NFKBIL1: variants seen among roughly 807,000 people sequenced by gnomAD.
NFKBIL1 encodes the protein NFKB inhibitor like 1, also known as NF-kappa-B inhibitor-like protein 1.
In NFKBIL1, 30 loss-of-function variants were observed where a neutral mutation model predicts 45.4. The ratio of observed to expected loss-of-function variants is 0.66; its 90% CI spans 0.49 to 0.90. The LOEUF (loss-of-function observed/expected upper bound fraction) is 0.90. Ranked by LOEUF, NFKBIL1 falls within the 40% of genes least tolerant of loss-of-function variation. The pLI is 0.00. For synonymous variants in NFKBIL1, 179 were observed against 197.3 expected (o/e 0.91, Z 0.78); for missense variants, 434 against 513.4 (o/e 0.85, Z 1.49).
intron 2 of NFKBIL1, chr6:31,556,717 A>G (rs1267314601): frequency 8.8e-6 from 4 of 457,022 alleles, no homozygotes; most frequent in Non-Finnish European, 1.8e-5. Context: ...ATTTGGAAAG[A>G]GCTTGCTCTG....
At chr6:31,547,842 G>C in intron 1 of NFKBIL1, 91 bp downstream of exon 1, 1 of 1,125,390 alleles carries the variant, frequency 8.9e-7, no homozygotes, top group South Asian at 1.4e-5. Flanking sequence ...TTCCCCATCC[G>C]GCCCTGTTGG....
At chr6:31,552,038 C>T (rs1769456363) in intron 2 of NFKBIL1, among the ~76,000 whole-genome samples, 1 of 152,078 alleles carries the variant, frequency 6.6e-6, no homozygotes. Context: ...CTTAGATGAT[C>T]CACCTGCCTC....
rs566329535 is a variant in NFKBIL1 at position 31,548,325 on chromosome 6, G to A, written c.220G>A (p.Ala74Thr). The A allele has an allele frequency of 3.1e-6, 5 of 1,600,544 alleles. No individual in the cohort carries two copies. In the Admixed American group the frequency reaches 8.4e-5, roughly 27 times the overall value. Residue 74 changes from alanine to threonine, a missense_variant, in exon 2 of 4, where the codon GCC (alanine) becomes ACC (threonine). By Grantham distance (58) the Ala-to-Thr change is moderately conservative. Transcript: ENST00000376148. Reference sequence around the variant, plus strand: ...GCCCCCACCACTGCACCGGGCCTGTGCCCGCCACGATGCCCCTGCCCTGTG... The same window carrying A: ...GCCCCCACCACTGCACCGGGCCTGTACCCGCCACGATGCCCCTGCCCTGTG... ...GQPPPLHRAC[A>T]RHDAPALCLL... is the part of the protein sequence containing the mutation.
rs1326967951 is a variant in NFKBIL1 at position 31,558,220 on chromosome 6, C to CT, written c.755_756insT (p.Lys253GlnfsTer7). The CT allele has an allele frequency of 6.3e-7, 1 of 1,597,446 alleles. No homozygotes were observed. Among genetic ancestry groups the CT allele is most frequent in the Non-Finnish European group, 8.5e-7 (1 of 1,172,928 alleles). ...CGGCTCTTCAGGGAGCGAGCCCGGG[C>CT]CAAGGAGGAAGAGCTGCGTGAGAGC... On this transcript the variant is annotated frameshift_variant, in exon 4 of 4. Transcript: ENST00000376148. LOFTEE classifies it high-confidence loss of function. The surrounding 1 kb of genome is among the most constrained non-coding windows in gnomAD (Gnocchi z 7.2).
chr6:31,558,271 T>G lies in NFKBIL1; in HGVS notation c.806T>G (p.Leu269Arg). Residue 269 changes from leucine (L) to arginine (R), a missense_variant, in exon 4 of 4, where the codon CTA (leucine) becomes CGA (arginine). By Grantham distance (102) the Leu-to-Arg change is moderately radical (BLOSUM62 -2). Around this residue, in one of 4 missense-constraint regions of NFKBIL1, gnomAD observed 128 missense variants for 106.5 expected, o/e 1.20. Coordinates refer to ENST00000376148, the MANE Select transcript of NFKBIL1 (RefSeq NM_005007.4). This position sits in a 1 kb window ranked among gnomAD's most constrained non-coding sequence, Gnocchi z 7.2. ...ESRARRAQEALGDREPKPTRA... is the reference protein window; with the variant it reads ...ESRARRAQEARGDREPKPTRA... ...CGAGCCAGGAGGGCGCAGGAGGCTC[T>G]AGGGGACCGAGAACCCAAGCCAACC... 1 of 1,588,556 alleles carries G rather than the reference T, an allele frequency of 6.3e-7. No homozygotes were observed. Among genetic ancestry groups the G allele is most frequent in the East Asian group, 2.3e-5 (1 of 44,206 alleles).
At chr6:31,548,016 G>T (rs1769182760) in intron 1 of NFKBIL1, 147 bp from the exon 2 acceptor site, 3 of 1,108,316 alleles carry the variant, frequency 2.7e-6, no homozygotes, top group Non-Finnish European at 3.8e-6. Flanking sequence ...TCTGATAAAG[G>T]ATCAGGGTTA....
chr6:31,553,431 A>G (rs1769548709), intron 2 of NFKBIL1, among the ~76,000 whole-genome samples: 1 of 152,176 alleles, frequency 6.6e-6, no homozygotes, highest in South Asian at 2.1e-4. Flanking sequence ...AGTAAATTCC[A>G]GCAGATTAAA....
At chr6:31,554,263 G>T (rs946871846) in intron 2 of NFKBIL1, among the ~76,000 whole-genome samples, 1 of 152,024 alleles carries the variant, frequency 6.6e-6, no homozygotes, top group Non-Finnish European at 1.5e-5. Context: ...AATTAGCCAG[G>T]CGTGGTGGTA....
chr6:31,547,478 C>T (rs138045493), upstream of NFKBIL1: 1 of 415,414 alleles, frequency 2.4e-6, no homozygotes, highest in African/African-American at 2.1e-5. Context: ...CCCTAGTTTC[C>T]CCTGGGAGAT....
chr6:31,557,584 T>G lies in NFKBIL1; in HGVS notation c.335-44T>G. 2.1e-6 allele frequency: 3 copies of G among 1,420,788 alleles called. No homozygotes were observed. The highest frequency in any genetic ancestry group is 2.5e-5 in the East Asian group (1 of 40,628). 88.0% of individuals were successfully genotyped at this position (1,420,788 alleles called of 1,614,324 possible). On this transcript the variant is annotated intron_variant, in intron 2 of 3. Transcript: ENST00000376148. The surrounding 1 kb of genome is among the most constrained non-coding windows in gnomAD (Gnocchi z 5.4). ...TCAAGATGGCAGCTCTGCCGAGGAG[T>G]GGGAGTCCCAGCTAACTTCTGCTCC...
intron 2 of NFKBIL1, among the ~76,000 whole-genome samples, chr6:31,554,349 G>C (rs1239647029): frequency 2.6e-5 from 4 of 152,148 alleles, no homozygotes; most frequent in Admixed American, 1.3e-4. Flanking sequence ...GTGGGGCAGA[G>C]TTTGCAGTGA....
In NFKBIL1 at chr6:31,557,904, T is replaced by G. The variant is rs2150368729; in HGVS notation, c.556+55T>G. 9 of 1,522,994 alleles carry G rather than the reference T, an allele frequency of 5.9e-6. No individual in the cohort carries two copies. The South Asian group carries it at 8.8e-5, about 15-fold the overall frequency. The allele number at this position is 1,522,994 out of a possible 1,614,324, so 94.3% of individuals were successfully genotyped here. A position where few individuals can be genotyped will look rare whatever the true frequency, so the allele number is the denominator to read the frequency against. On this transcript the variant is annotated intron_variant, in intron 3 of 3. Coordinates refer to ENST00000376148, the MANE Select transcript of NFKBIL1 (RefSeq NM_005007.4). The surrounding 1 kb of genome is among the most constrained non-coding windows in gnomAD (Gnocchi z 5.4). ...CCTTCCCCACTGGCTGCTTTCCATC[T>G]GCATGAATGCGTCACACTAGGCTCC...
In NFKBIL1 at chr6:31,558,246, C is replaced by G; in HGVS notation, c.781C>G (p.Arg261Gly). 1 of 1,592,944 alleles carries G rather than the reference C, an allele frequency of 6.3e-7. No individual in the cohort carries two copies. The highest frequency in any genetic ancestry group is 1.3e-5 in the African/African-American group (1 of 74,862). Residue 261 changes from arginine to glycine, a missense_variant, in exon 4 of 4, where the codon CGA (arginine) becomes GGA (glycine). Around this residue, in one of 4 missense-constraint regions of NFKBIL1, gnomAD observed 128 missense variants for 106.5 expected, o/e 1.20. Transcript: ENST00000376148. This position sits in a 1 kb window ranked among gnomAD's most constrained non-coding sequence, Gnocchi z 7.2. ...RAKEEELRESRARRAQEALGD... is the reference protein window; with the variant it reads ...RAKEEELRESGARRAQEALGD... ...CAAGGAGGAAGAGCTGCGTGAGAGCCGAGCCAGGAGGGCGCAGGAGGCTCT... is the reference window on the plus strand; with the variant it reads ...CAAGGAGGAAGAGCTGCGTGAGAGCGGAGCCAGGAGGGCGCAGGAGGCTCT...
chr6:31,550,077 T>C (rs1165650742), intron 2 of NFKBIL1, among the ~76,000 whole-genome samples: 3 of 152,032 alleles, frequency 2.0e-5, no homozygotes, highest in Non-Finnish European at 4.4e-5. Context: ...GGCACACACC[T>C]GTAGTCTCAG....
At chr6:31,554,274 C>T (rs2255899) in intron 2 of NFKBIL1, among the ~76,000 whole-genome samples, 22,404 of 151,964 alleles carry the variant, frequency 0.15, 1,735 homozygotes, top group South Asian at 0.25. Context: ...CGTGGTGGTA[C>T]GTGGCTGTCG....
chr6:31,547,324 T>A (rs1169241451), upstream of NFKBIL1, among the ~76,000 whole-genome samples: 1 of 151,304 alleles, frequency 6.6e-6, no homozygotes, highest in African/African-American at 2.4e-5. Context: ...CGTCCATCAC[T>A]GAACCATCTC....
At chr6:31,553,825 G>C (rs1406832556) in intron 2 of NFKBIL1, among the ~76,000 whole-genome samples, 1 of 152,060 alleles carries the variant, frequency 6.6e-6, no homozygotes, top group South Asian at 2.1e-4. Context: ...ACCACGTCAG[G>C]CTAATTTTTG....
chr6:31,558,008 ACCCT>A lies in NFKBIL1; in HGVS notation c.557-10_557-7del. The A allele has an allele frequency of 1.4e-6, 1 of 705,102 alleles. No individual in the cohort carries two copies. The highest frequency in any genetic ancestry group is 2.2e-6 in the Non-Finnish European group (1 of 462,002). The allele number at this position is 705,102 out of a possible 1,614,324, so 43.7% of individuals were successfully genotyped here. ...GCCTCTCTCCAACTACCCCCATCCC[ACCCT>A]CCCAAACAGGTGATGCCTCCCATGA... On this transcript the variant is annotated splice_polypyrimidine_tract_variant and intron_variant, in intron 3 of 3. Coordinates refer to ENST00000376148, the MANE Select transcript of NFKBIL1 (RefSeq NM_005007.4). This position sits in a 1 kb window ranked among gnomAD's most constrained non-coding sequence, Gnocchi z 7.2.
At position 31,557,958 on chromosome 6, in the gene NFKBIL1, T is replaced by A; in HGVS notation, c.557-64T>A. 1 of 1,502,034 alleles carries A rather than the reference T, an allele frequency of 6.7e-7. No homozygotes were observed. 93.0% of individuals were successfully genotyped at this position (1,502,034 alleles called of 1,614,324 possible). A position where few individuals can be genotyped will look rare whatever the true frequency, so the allele number is the denominator to read the frequency against. ...GCCCCCTCCTCTGTGCTTCCCTGCT[T>A]CTTGGGGCCCATCACCTTCTCACAG... On this transcript the variant is annotated intron_variant, in intron 3 of 3. Coordinates refer to ENST00000376148, the MANE Select transcript of NFKBIL1 (RefSeq NM_005007.4). The surrounding 1 kb of genome is among the most constrained non-coding windows in gnomAD (Gnocchi z 5.4).
Sources: gnomAD v4.1 joint callset for allele counts (sites outside exome capture counted in the v4.1 genomes callset) on GRCh38, gnomAD v4.1.1 for gene constraint, gnomAD v4.1.1 regional missense constraint, Gnocchi (gnomAD v3.1) non-coding constraint, MANE v1.5 for transcripts, NCBI Gene and HGNC (gene_info 2026-07-23, HGNC 2026-07-21) for gene names.